The following CDC14B variants were observed in gnomAD, a reference collection of about 807,000 sequenced individuals.
CDC14B encodes cell division cycle 14B.
CDC14B carries 22 observed loss-of-function variants against 64.2 expected under a neutral mutation model. The ratio of observed to expected loss-of-function variants is 0.34; its 90% CI spans 0.24 to 0.49. The LOEUF (loss-of-function observed/expected upper bound fraction) is 0.49, where lower values mean the gene tolerates loss of function less well. Among genes scored for constraint, CDC14B ranks in the 20% least tolerant of loss-of-function variants. The probability of loss-of-function intolerance (pLI) is 0.99; values close to 1 mark genes in which losing one functional copy is unlikely to be tolerated. For synonymous variants in CDC14B, 191 were observed against 215.8 expected (o/e 0.89, Z 1.01); for missense variants, 498 against 629.9 (o/e 0.79, Z 2.24).
At chr9:96,535,842 G>A (rs1330989968) in intron 7 of CDC14B, among the ~76,000 whole-genome samples, 4 of 152,136 alleles carry the variant, frequency 2.6e-5, no homozygotes, top group Non-Finnish European at 4.4e-5. Flanking sequence ...GGGAGGCTGA[G>A]GCAGAAGGAT....
chr9:96,491,645 C>T (rs1053205820), exon 14 of CDC14B: 2 of 152,188 alleles, frequency 1.3e-5, no homozygotes, highest in African/African-American at 4.8e-5. Context: ...TGTCATTTTG[C>T]CTAACTGCGG....
chr9:96,550,755 C>T (rs541224599), intron 5 of CDC14B, among the ~76,000 whole-genome samples: 3 of 152,126 alleles, frequency 2.0e-5, no homozygotes, highest in Non-Finnish European at 4.4e-5. Context: ...TTTTGATAAA[C>T]GAGCAGAAAA....
rs1245248642 is a variant in CDC14B at position 96,534,170 on chromosome 9, A to G, written c.716-13T>C. The G allele has an allele frequency of 4.7e-6, 7 of 1,478,550 alleles. No homozygotes were observed. In the East Asian group the frequency reaches 1.6e-4, roughly 34 times the overall value. The allele number at this position is 1,478,550 out of a possible 1,614,324, so 91.6% of individuals were successfully genotyped here. On this transcript the variant is annotated splice_polypyrimidine_tract_variant and intron_variant, in intron 8 of 13. Coordinates refer to ENST00000375241, the MANE Select transcript of CDC14B (RefSeq NM_033331.4). ...TGTTGGTGGTAACCTACATAAAGAA[A>G]TGCACCAGATCTTATAAAACACATA...
intron 10 of CDC14B, 40 bp from the exon 11 acceptor site, chr9:96,523,460 A>C (rs1837066427): frequency 6.2e-7 from 1 of 1,604,786 alleles, no homozygotes; most frequent in Admixed American, 1.7e-5. Context: ...GCTTTCCAGA[A>C]AGATACATGA....
Position 96,566,731 on chromosome 9 carries a change from G to T in CDC14B, c.161-1248C>A, listed in dbSNP as rs751812636. ...CCCGCCCTGTCCCAGCGCGGGTGCC[G>T]GAGCCCCCAGGGGAAGCCCCCGCCC... On this transcript the variant is annotated intron_variant, in intron 1 of 13. Transcript: ENST00000375241. The T allele has an allele frequency of 1.3e-5, 21 of 1,583,512 alleles. No homozygotes were observed. The African/African-American group carries it at 2.4e-4, about 18-fold the overall frequency.
At chr9:96,589,606 A>G (rs925214297) in intron 1 of CDC14B, among the ~76,000 whole-genome samples, 2 of 152,186 alleles carry the variant, frequency 1.3e-5, no homozygotes, top group African/African-American at 4.8e-5. Flanking sequence ...AGCTACACAA[A>G]TAGAATATTA....
At chr9:96,580,183 T>A (rs1476447185) in intron 1 of CDC14B, among the ~76,000 whole-genome samples, 2 of 151,470 alleles carry the variant, frequency 1.3e-5, no homozygotes, top group African/African-American at 4.8e-5. Flanking sequence ...TGGAAAAAAA[T>A]TAAAATACTG....
Position 96,578,921 on chromosome 9 carries a change from G to C in CDC14B, c.161-13438C>G, listed in dbSNP as rs181573210. On this transcript the variant is annotated intron_variant, in intron 1 of 13. Coordinates refer to ENST00000375241, the MANE Select transcript of CDC14B (RefSeq NM_033331.4). The stretch of plus-strand genomic sequence containing the variant: ...GCAACCTCTGCCTCCTGGTTCCAGT[G>C]ATTCTCCTGCCTCAGCCTCCCAAGT... 2.0e-5 allele frequency among the ~76,000 whole-genome samples: 3 copies of C among 152,300 alleles called. No homozygotes were observed. In the East Asian group the frequency reaches 5.8e-4, roughly 29 times the overall value.
At chr9:96,542,900 T>G (rs1403258359) in intron 5 of CDC14B, among the ~76,000 whole-genome samples, 11 of 151,588 alleles carry the variant, frequency 7.3e-5, no homozygotes, top group African/African-American at 2.2e-4. Context: ...TCCCAGCTAC[T>G]CAGGAGGCTA....
chr9:96,561,840 G>C (rs1179278730), intron 4 of CDC14B, among the ~76,000 whole-genome samples: 1 of 151,874 alleles, frequency 6.6e-6, no homozygotes, highest in Non-Finnish European at 1.5e-5. Flanking sequence ...ACTGATGGTG[G>C]GGTGGGGGTG....
chr9:96,571,145 T>C (rs754188884), intron 1 of CDC14B, among the ~76,000 whole-genome samples: 3 of 152,128 alleles, frequency 2.0e-5, no homozygotes, highest in Non-Finnish European at 4.4e-5. Context: ...TTGAAAAAGC[T>C]GTCAGACAAC....
At chr9:96,574,886 C>A (rs901711865) in intron 1 of CDC14B, among the ~76,000 whole-genome samples, 1 of 152,100 alleles carries the variant, frequency 6.6e-6, no homozygotes, top group Non-Finnish European at 1.5e-5. Flanking sequence ...CCAATAAATA[C>A]GTGAGCACAG....
At chr9:96,526,654 C>CA (rs1837609473) in intron 9 of CDC14B, among the ~76,000 whole-genome samples, 1 of 152,194 alleles carries the variant, frequency 6.6e-6, no homozygotes, top group South Asian at 2.1e-4. Flanking sequence ...CTTCCCTAAA[C>CA]AAAGATGCAA....
intron 1 of CDC14B, among the ~76,000 whole-genome samples, chr9:96,579,712 AC>A (rs1312391099): frequency 6.6e-6 from 1 of 152,110 alleles, no homozygotes; most frequent in African/African-American, 2.4e-5. Flanking sequence ...GCAGAAGCCA[AC>A]CCCGCTGGCT....
chr9:96,509,348 C>T (rs953517682), intron 13 of CDC14B, among the ~76,000 whole-genome samples: 4 of 152,218 alleles, frequency 2.6e-5, no homozygotes, highest in Non-Finnish European at 5.9e-5. Context: ...AGCAATGATG[C>T]TGTATCTGAT....
At chr9:96,585,319 C>T (rs1022407249) in intron 1 of CDC14B, among the ~76,000 whole-genome samples, 5 of 150,974 alleles carry the variant, frequency 3.3e-5, no homozygotes, top group African/African-American at 9.9e-5. Context: ...GTTTTAAGCC[C>T]CACATGCATT....
intron 1 of CDC14B, among the ~76,000 whole-genome samples, chr9:96,587,763 G>C (rs1373106621): frequency 6.6e-6 from 1 of 152,146 alleles, no homozygotes; most frequent in Non-Finnish European, 1.5e-5. Context: ...TGTGATGACA[G>C]GGTGATATAT....
At chr9:96,506,947 T>C (rs971039062) in intron 13 of CDC14B, among the ~76,000 whole-genome samples, 2 of 152,064 alleles carry the variant, frequency 1.3e-5, no homozygotes, top group Non-Finnish European at 2.9e-5. Flanking sequence ...AAAAGCATAA[T>C]CTAAAAAAGC....
intron 1 of CDC14B, among the ~76,000 whole-genome samples, chr9:96,608,996 G>T (rs1455484009): frequency 6.6e-6 from 1 of 151,608 alleles, no homozygotes; most frequent in Non-Finnish European, 1.5e-5. Flanking sequence ...TTTTTGAGAT[G>T]GAGTCTCACT....
Sources: allele counts gnomAD v4.1 joint callset (sites outside exome capture counted in the v4.1 genomes callset), GRCh38; gene constraint gnomAD v4.1.1; transcripts MANE v1.5; gene names NCBI Gene and HGNC (gene_info 2026-07-23, HGNC 2026-07-21).